PTPRE: variants seen among roughly 807,000 people sequenced by gnomAD.
PTPRE encodes receptor-type tyrosine-protein phosphatase epsilon.
PTPRE carries 51 observed loss-of-function variants against 102.0 expected under a neutral mutation model. The observed-to-expected ratio is 0.50, with a 90% CI of 0.40 to 0.63. The LOEUF (loss-of-function observed/expected upper bound fraction) is 0.63. PTPRE is among the 30% of genes least tolerant of loss of function. The probability of loss-of-function intolerance (pLI) is 0.00; values close to 1 mark genes in which losing one functional copy is unlikely to be tolerated. For missense variants in PTPRE, 752 were observed against 915.1 expected, an observed-to-expected ratio of 0.82 and a Z score of 2.30; for synonymous variants, 345 against 348.2, an observed-to-expected ratio of 0.99 and a Z score of 0.10.
At chr10:127,958,168 T>G (rs1849538666) in intron 1 of PTPRE, among the ~76,000 whole-genome samples, 1 of 152,220 alleles carries the variant, frequency 6.6e-6, no homozygotes, top group Admixed American at 6.5e-5. Context: ...TTTTACTTCT[T>G]AACCTGTATA....
intron 2 of PTPRE, among the ~76,000 whole-genome samples, chr10:128,024,274 A>AT (rs1846136781): frequency 6.6e-6 from 1 of 152,206 alleles, no homozygotes; most frequent in African/African-American, 2.4e-5. Flanking sequence ...CTAGCTATAT[A>AT]TAGTCCATTC....
rs748335470 is a variant in PTPRE, at chr10:128,049,653, G to A, written c.407G>A (p.Arg136Gln). 12 of 1,613,672 alleles carry A rather than the reference G, an allele frequency of 7.4e-6. No homozygotes were observed. The highest frequency in any genetic ancestry group is 3.3e-5 in the Admixed American group (2 of 59,982). ...IRSADDCKQF[R>Q]EEFNSLPSGH... ...TCCGCCGACGACTGCAAGCAGTTTC[G>A]GGAGGAGTTCAACGTGAGTGTGGGG... The change falls in exon 6 of 21, where the codon CGG (arginine) becomes CAG (glutamine). Residue 136 changes from arginine to glutamine, a missense_variant. Coordinates refer to ENST00000254667, the MANE Select transcript of PTPRE (RefSeq NM_006504.6).
chr10:128,003,625 C>G (rs887129930), intron 2 of PTPRE, among the ~76,000 whole-genome samples: 1 of 152,154 alleles, frequency 6.6e-6, no homozygotes, highest in African/African-American at 2.4e-5. Flanking sequence ...TGTGGCAGTT[C>G]ACGCGCGGAC....
chr10:128,019,223 A>G (rs1845667568), intron 2 of PTPRE, among the ~76,000 whole-genome samples: 1 of 152,208 alleles, frequency 6.6e-6, no homozygotes, highest in Non-Finnish European at 1.5e-5. Context: ...TGCTCACTGC[A>G]TGACTTGGGC....
At chr10:127,981,714 A>G (rs965098204) in intron 1 of PTPRE, among the ~76,000 whole-genome samples, 5 of 152,082 alleles carry the variant, frequency 3.3e-5, no homozygotes, top group African/African-American at 1.2e-4. Context: ...GCTACTCAGG[A>G]GGCTGAGGCA....
chr10:127,958,805 C>T (rs1472867079), intron 1 of PTPRE, among the ~76,000 whole-genome samples: 1 of 151,614 alleles, frequency 6.6e-6, no homozygotes, highest in Non-Finnish European at 1.5e-5. Flanking sequence ...TCACCAGTGA[C>T]TCATCTGTGC....
rs1850645688 is a variant in PTPRE, at chr10:128,070,202, G to GA, written c.1144-94dup. 4 of 1,407,664 alleles carry GA rather than the reference G, an allele frequency of 2.8e-6. No homozygotes were observed. The highest frequency in any genetic ancestry group is 1.4e-5 in the African/African-American group (1 of 69,226). 87.2% of individuals were successfully genotyped at this position (1,407,664 alleles called of 1,614,324 possible). ...ACACCTCCTTGTGTTGGCAAAAAGA[G>GA]AAAAAGAAGAAAGCCGCCCTCTTTG... On this transcript the variant is annotated intron_variant, in intron 13 of 20. Transcript: ENST00000254667. This position sits in a 1 kb window ranked among gnomAD's most constrained non-coding sequence, Gnocchi z 4.8.
At chr10:127,943,798 A>T (rs186661521) in intron 1 of PTPRE, among the ~76,000 whole-genome samples, 1 of 152,286 alleles carries the variant, frequency 6.6e-6, no homozygotes, top group East Asian at 1.9e-4. Context: ...CACATTTGCT[A>T]GTCTCAGAAC....
intron 1 of PTPRE, among the ~76,000 whole-genome samples, chr10:127,974,035 G>GC (rs1211672899): frequency 6.6e-6 from 1 of 152,228 alleles, no homozygotes; most frequent in Non-Finnish European, 1.5e-5. Context: ...GCATGGTCCT[G>GC]CCCCTTATTC....
chr10:128,051,962 A>G (rs1848599395), intron 6 of PTPRE, among the ~76,000 whole-genome samples: 1 of 152,202 alleles, frequency 6.6e-6, no homozygotes, highest in Non-Finnish European at 1.5e-5. Context: ...CTCCCAGCTC[A>G]AGTGATCCTC....
chr10:128,047,676 C>T (rs151032774), intron 4 of PTPRE, 88 bp from the exon 5 acceptor site: 4 of 1,614,024 alleles, frequency 2.5e-6, no homozygotes, highest in African/African-American at 2.7e-5. Context: ...CTTTTCCCGG[C>T]TCACCTGGTG....
chr10:128,051,106 A>C (rs554973831), intron 6 of PTPRE, among the ~76,000 whole-genome samples: 1 of 152,302 alleles, frequency 6.6e-6, no homozygotes, highest in African/African-American at 2.4e-5. Flanking sequence ...CAAAATAACT[A>C]TCCAAGTTTT....
chr10:127,946,783 C>T (rs1848652808), intron 1 of PTPRE, among the ~76,000 whole-genome samples: 1 of 152,144 alleles, frequency 6.6e-6, no homozygotes, highest in Non-Finnish European at 1.5e-5. Flanking sequence ...TCTGTAATCC[C>T]AGCACTCTGA....
chr10:127,994,817 C>G (rs926299361), intron 2 of PTPRE, among the ~76,000 whole-genome samples: 1 of 152,216 alleles, frequency 6.6e-6, no homozygotes, highest in African/African-American at 2.4e-5. Flanking sequence ...CAGGTCTGCA[C>G]TGGCCCCAAA....
chr10:128,070,063 T>G lies in PTPRE; in HGVS notation c.1143+236T>G, dbSNP rs1412412182. 1.4e-6 allele frequency: 1 copy of G among 696,536 alleles called. No homozygotes were observed. The highest frequency in any genetic ancestry group is 2.4e-6 in the Non-Finnish European group (1 of 422,204). 43.1% of individuals were successfully genotyped at this position (696,536 alleles called of 1,614,324 possible). A position where few individuals can be genotyped will look rare whatever the true frequency, so the allele number is the denominator to read the frequency against. ...GGGGCAATCCTACTCCCCCAAACGG[T>G]GCATGTACACAGTGCGTGGCGTGCT... is the stretch of plus-strand genomic sequence containing the variant. On this transcript the variant is annotated intron_variant, in intron 13 of 20. Transcript: ENST00000254667. The surrounding 1 kb of genome is among the most constrained non-coding windows in gnomAD (Gnocchi z 4.8).
chr10:128,070,818 A>C lies in PTPRE; in HGVS notation c.1304A>C (p.Asn435Thr), dbSNP rs758190068. The change falls in exon 15 of 21, where the codon AAT becomes ACT. Residue 435 changes from asparagine (N) to threonine (T), a missense_variant. This residue lies in a region of PTPRE where 636 missense variants were observed against 824.4 expected (regional missense o/e 0.77). Transcript: ENST00000254667. This position sits in a 1 kb window ranked among gnomAD's most constrained non-coding sequence, Gnocchi z 4.8. ...CCTTCTCTGCTGCAGAAATTGACAAATGTCCGGATCATGAAGGAGAACATG... is the reference window on the plus strand; with the variant it reads ...CCTTCTCTGCTGCAGAAATTGACAACTGTCCGGATCATGAAGGAGAACATG... ...GLEEEFRKLT[N>T]VRIMKENMRT... 1 of 1,613,748 alleles carries C rather than the reference A, an allele frequency of 6.2e-7. No individual in the cohort carries two copies.
chr10:128,027,742 G>A (rs1417691975), intron 2 of PTPRE, among the ~76,000 whole-genome samples: 1 of 152,230 alleles, frequency 6.6e-6, no homozygotes, highest in Non-Finnish European at 1.5e-5. Context: ...CGAAAAAGCA[G>A]GCTGAGCTCT....
chr10:128,055,742 C>T (rs142047910), intron 6 of PTPRE, among the ~76,000 whole-genome samples: 1,745 of 152,322 alleles, frequency 0.011, 29 homozygotes, highest in Middle Eastern at 0.02. Flanking sequence ...CCCCATCTCC[C>T]GGTTCACAGT....
At chr10:128,072,465 C>T (rs945504237) in intron 16 of PTPRE, 1 of 353,008 alleles carries the variant, frequency 2.8e-6, no homozygotes, top group Non-Finnish European at 5.1e-6. Flanking sequence ...CTAGCCTGGC[C>T]AATATGGCAA....
Sources: allele counts gnomAD v4.1 joint callset (sites outside exome capture counted in the v4.1 genomes callset), GRCh38; gene constraint gnomAD v4.1.1; regional missense constraint gnomAD v4.1.1; non-coding constraint Gnocchi (gnomAD v3.1); transcripts MANE v1.5; gene names NCBI Gene and HGNC (gene_info 2026-07-23, HGNC 2026-07-21).